SCGB1A1: variants seen among roughly 807,000 people sequenced by gnomAD.
SCGB1A1 encodes uteroglobin.
A neutral mutation model predicts 7.5 loss-of-function variants in SCGB1A1; 8 were observed. That is an observed-to-expected ratio of 1.07 (90% CI 0.63 to 1.92). SCGB1A1 has a LOEUF of 1.92. Among genes scored for constraint, SCGB1A1 ranks in the 30% most tolerant of loss-of-function variants. SCGB1A1 has a pLI of 0.00. For missense variants in SCGB1A1, 121 were observed against 112.7 expected (o/e 1.07, Z -0.33); for synonymous variants, 44 against 40.8 (o/e 1.08, Z -0.30).
chr11:62,419,182 G>T (rs781544290), intron 1 of SCGB1A1, 32 bp downstream of exon 1: 1 of 1,441,936 alleles, frequency 6.9e-7, no homozygotes, highest in East Asian at 2.6e-5. Context: ...CCTCCCTCCT[G>T]GACTTAGGAA....
intron 1 of SCGB1A1, among the ~76,000 whole-genome samples, chr11:62,420,138 T>C (rs1260997879): frequency 6.6e-6 from 1 of 152,114 alleles, no homozygotes; most frequent in Admixed American, 6.5e-5. Flanking sequence ...AATTAGAAGA[T>C]CTCAGTGCTG....
In SCGB1A1 at chr11:62,422,363, G is replaced by A; in HGVS notation, c.198G>A (p.Val66=). 1 of 1,613,888 alleles carries A rather than the reference G, an allele frequency of 6.2e-7. No individual in the cohort carries two copies. Among genetic ancestry groups the A allele is most frequent in the Non-Finnish European group, 8.5e-7 (1 of 1,179,872 alleles). Residue 66 remains valine (V), a synonymous_variant, in exon 2 of 3, where the codon GTG becomes GTA. Transcript: ENST00000278282. The part of the protein sequence containing the change: ...REAGAQLKKL[V]DTLPQKPRES... ...CAGGGGCTCAGCTGAAGAAGCTGGTGGACACCCTCCCCCAAAAGCCCAGAG... is the reference window on the plus strand; with the variant it reads ...CAGGGGCTCAGCTGAAGAAGCTGGTAGACACCCTCCCCCAAAAGCCCAGAG...
intron 1 of SCGB1A1, among the ~76,000 whole-genome samples, chr11:62,420,277 A>G (rs928953037): frequency 6.6e-6 from 1 of 151,200 alleles, no homozygotes; most frequent in Non-Finnish European, 1.5e-5. Context: ...CAATGTGCCA[A>G]TCACTGTCAC....
chr11:62,421,074 A>AAGTAGGGATATTGTT (rs1308349335), intron 1 of SCGB1A1, among the ~76,000 whole-genome samples: 1 of 152,226 alleles, frequency 6.6e-6, no homozygotes. Flanking sequence ...TTGCCTGGTG[A>AAGTAGGGATATTGTT]CACAGTAAGT....
chr11:62,419,129 C>G lies in SCGB1A1; in HGVS notation c.34C>G (p.Leu12Val). 6.3e-7 allele frequency: 1 copy of G among 1,584,658 alleles called. No homozygotes were observed. Among genetic ancestry groups the G allele is most frequent in the Non-Finnish European group, 8.6e-7 (1 of 1,162,832 alleles). The part of the protein sequence containing the change: ...KLAVTLTLVT[L>V]ALCCSSASAE... ...CGCTGTCACCCTCACCCTGGTCACA[C>G]TGGCTCTCTGCTGCAGCTCCGGTGA... The change falls in exon 1 of 3, where the codon CTG becomes GTG. Residue 12 changes from leucine to valine, a missense_variant. Physicochemically the swap from Leu to Val is conservative, Grantham distance 32. Coordinates refer to ENST00000278282, the MANE Select transcript of SCGB1A1 (RefSeq NM_003357.5).
At position 62,423,142 on chromosome 11, in the gene SCGB1A1, CTT is replaced by C; in HGVS notation, c.*53_*54del. ...TGCTCCAGCCTCTGCCGCTGCCATG[CTT>C]TGAGTCCACGCCCACCAGCCTTGCT... On this transcript the variant is annotated 3_prime_UTR_variant, in exon 3 of 3. Coordinates refer to ENST00000278282, the MANE Select transcript of SCGB1A1 (RefSeq NM_003357.5). The C allele has an allele frequency of 6.4e-7, 1 of 1,571,240 alleles. No individual in the cohort carries two copies. The highest frequency in any genetic ancestry group is 8.8e-7 in the Non-Finnish European group (1 of 1,141,206).
At chr11:62,421,616 A>G (rs1248046649) in intron 1 of SCGB1A1, among the ~76,000 whole-genome samples, 1 of 151,942 alleles carries the variant, frequency 6.6e-6, no homozygotes, top group Non-Finnish European at 1.5e-5. Flanking sequence ...GATTCAAGTG[A>G]TTCTCCTGCC....
intron 1 of SCGB1A1, among the ~76,000 whole-genome samples, chr11:62,419,785 G>T (rs1212486562): frequency 1.3e-5 from 2 of 152,108 alleles, no homozygotes; most frequent in Non-Finnish European, 2.9e-5. Flanking sequence ...AACTGTGGGG[G>T]GAAGAGGGGC....
intron 2 of SCGB1A1, 66 bp from the exon 3 acceptor site, chr11:62,422,993 T>C (rs1362510864): frequency 6.8e-7 from 1 of 1,471,260 alleles, no homozygotes. Flanking sequence ...TCGTCATCTC[T>C]GCCTAACTAT....
intron 2 of SCGB1A1, 130 bp downstream of exon 2, chr11:62,422,538 C>A: frequency 1.5e-6 from 1 of 651,770 alleles, no homozygotes; most frequent in Non-Finnish European, 2.5e-6. Flanking sequence ...CCCAGGCAGG[C>A]AGCACAGTGA....
chr11:62,422,205 C>T lies in SCGB1A1; in HGVS notation c.56-16C>T. ...AGGGGCCTGGAGACATGTGCCTTCT[C>T]TCCTCTGTGTTGCAGCTTCTGCAGA... On this transcript the variant is annotated splice_polypyrimidine_tract_variant and intron_variant, in intron 1 of 2. Transcript: ENST00000278282. 4.4e-6 allele frequency: 7 copies of T among 1,591,610 alleles called. No individual in the cohort carries two copies. The highest frequency in any genetic ancestry group is 6.0e-6 in the Non-Finnish European group (7 of 1,164,978).
rs41364547 is a variant in SCGB1A1 at position 62,419,058 on chromosome 11, G to A, written c.-38G>A. ...ATACTAGCCCACCAGACTCAGAGAC[G>A]GAACCAGAGACGGGCCAGAGCATCC... On this transcript the variant is annotated 5_prime_UTR_variant, in exon 1 of 3. Coordinates refer to ENST00000278282, the MANE Select transcript of SCGB1A1 (RefSeq NM_003357.5). 8.9e-4 allele frequency: 1,379 copies of A among 1,553,694 alleles called. 11 individuals carry two copies. The African/African-American group carries it at 9.9e-3, about 11-fold the overall frequency.
intron 2 of SCGB1A1, 113 bp downstream of exon 2, chr11:62,422,521 C>CACT (rs1039815076): frequency 1.1e-5 from 9 of 826,092 alleles, no homozygotes; most frequent in Non-Finnish European, 1.7e-5. Context: ...GTCACAGTGC[C>CACT]ACTGTCCCCA....
At chr11:62,419,305 C>G (rs1379602711) in intron 1 of SCGB1A1, among the ~76,000 whole-genome samples, 155 bp downstream of exon 1, 2 of 152,196 alleles carry the variant, frequency 1.3e-5, no homozygotes, top group Non-Finnish European at 2.9e-5. Context: ...GTCTGGTGAG[C>G]AAGCTCATCT....
At position 62,422,258 on chromosome 11, in the gene SCGB1A1, C is replaced by G. The variant is rs748646148; in HGVS notation, c.93C>G (p.Ile31Met). 3.7e-6 allele frequency: 6 copies of G among 1,613,564 alleles called. No homozygotes were observed. The South Asian group carries it at 4.4e-5, about 12-fold the overall frequency. The part of the protein sequence containing the change: ...AEICPSFQRV[I>M]ETLLMDTPSS... Reference sequence around the variant, plus strand: ...TCTGCCCGAGCTTTCAGCGTGTCATCGAAACCCTCCTCATGGACACACCCT... The same window carrying G: ...TCTGCCCGAGCTTTCAGCGTGTCATGGAAACCCTCCTCATGGACACACCCT... The change falls in exon 2 of 3, where the codon ATC (isoleucine) becomes ATG (methionine). Residue 31 changes from isoleucine (I) to methionine (M), a missense_variant. Ile to Met is a conservative substitution (Grantham distance 10, BLOSUM62 1). Coordinates refer to ENST00000278282, the MANE Select transcript of SCGB1A1 (RefSeq NM_003357.5).
At chr11:62,422,048 A>T (rs1411169786) in intron 1 of SCGB1A1, 173 bp from the exon 2 acceptor site, 1 of 463,300 alleles carries the variant, frequency 2.2e-6, no homozygotes, top group Non-Finnish European at 3.8e-6. Context: ...CAACCCAAGA[A>T]GTCTAAGGAA....
At chr11:62,422,465 C>A (rs763472469) in intron 2 of SCGB1A1, 57 bp downstream of exon 2, 32 of 1,398,780 alleles carry the variant, frequency 2.3e-5, no homozygotes, top group South Asian at 1.6e-4. Context: ...AGTGGGGCTG[C>A]AGGATTGCCC....
chr11:62,422,364 G>A lies in SCGB1A1; in HGVS notation c.199G>A (p.Asp67Asn). ...EAGAQLKKLV[D>N]TLPQKPRESI... ...AGGGGCTCAGCTGAAGAAGCTGGTG[G>A]ACACCCTCCCCCAAAAGCCCAGAGA... The change falls in exon 2 of 3, where the codon GAC becomes AAC. Residue 67 changes from aspartate to asparagine, a missense_variant. Coordinates refer to ENST00000278282, the MANE Select transcript of SCGB1A1 (RefSeq NM_003357.5). 1 of 1,613,924 alleles carries A rather than the reference G, an allele frequency of 6.2e-7. No individual in the cohort carries two copies. The highest frequency in any genetic ancestry group is 8.5e-7 in the Non-Finnish European group (1 of 1,179,900).
At chr11:62,422,837 G>C (rs1367431437) in intron 2 of SCGB1A1, among the ~76,000 whole-genome samples, 1 of 152,098 alleles carries the variant, frequency 6.6e-6, no homozygotes, top group Non-Finnish European at 1.5e-5. Context: ...GCCTCCCAAA[G>C]TGCTGGCATT....
Sources: gnomAD v4.1 joint callset for allele counts (sites outside exome capture counted in the v4.1 genomes callset) on GRCh38, gnomAD v4.1.1 for gene constraint, MANE v1.5 for transcripts, NCBI Gene and HGNC (gene_info 2026-07-23, HGNC 2026-07-21) for gene names.